The following EPHA6 variants were observed in gnomAD, a reference collection of about 807,000 sequenced individuals.
EPHA6 encodes the protein EPH receptor A6.
A neutral mutation model predicts 112.0 loss-of-function variants in EPHA6; 50 were observed. That is an observed-to-expected ratio of 0.45 (90% CI 0.36 to 0.56). The LOEUF (loss-of-function observed/expected upper bound fraction) is 0.56. EPHA6 is among the 20% of genes least tolerant of loss of function. The pLI, the probability that EPHA6 is intolerant of heterozygous loss-of-function variation, is 0.00. For missense variants in EPHA6, 1,280 were observed against 1,417.4 expected (o/e 0.90, Z 1.56); for synonymous variants, 529 against 490.7 (o/e 1.08, Z -1.03).
intron 5 of EPHA6, among the ~76,000 whole-genome samples, chr3:97,272,470 C>T (rs76386945): frequency 0.037 from 5,601 of 152,170 alleles, 473 homozygotes; most frequent in Admixed American, 0.2. Context: ...TTTTCACTTG[C>T]GTCCGTGTGA....
At chr3:97,011,554 T>G (rs2044085698) in intron 3 of EPHA6, among the ~76,000 whole-genome samples, 1 of 152,236 alleles carries the variant, frequency 6.6e-6, no homozygotes, top group Non-Finnish European at 1.5e-5. Flanking sequence ...CAAGGACTCT[T>G]TTTAATACCA....
intron 5 of EPHA6, among the ~76,000 whole-genome samples, chr3:97,303,952 C>T (rs949739128): frequency 5.3e-5 from 8 of 151,948 alleles, no homozygotes; most frequent in African/African-American, 1.9e-4. Context: ...TGAAGAGGCC[C>T]TTCACTTCCC....
intron 1 of EPHA6, among the ~76,000 whole-genome samples, chr3:96,851,656 A>G (rs952555939): frequency 1.3e-5 from 2 of 152,148 alleles, no homozygotes; most frequent in African/African-American, 4.8e-5. Flanking sequence ...CTGGTGAAAG[A>G]TATCAGAAGA....
chr3:97,245,170 T>C (rs889035159), intron 5 of EPHA6, among the ~76,000 whole-genome samples: 8 of 152,180 alleles, frequency 5.3e-5, no homozygotes, highest in Middle Eastern at 6.8e-3. Flanking sequence ...AGACAGGCTG[T>C]GTGGCTTAAG....
intron 3 of EPHA6, among the ~76,000 whole-genome samples, chr3:97,020,531 A>G (rs2044420225): frequency 6.6e-6 from 1 of 152,180 alleles, no homozygotes; most frequent in South Asian, 2.1e-4. Flanking sequence ...AGACAGAGCT[A>G]TAGCAATGCT....
At chr3:97,001,756 A>G (rs926055172) in intron 3 of EPHA6, among the ~76,000 whole-genome samples, 8 of 152,044 alleles carry the variant, frequency 5.3e-5, no homozygotes, top group Admixed American at 1.3e-4. Flanking sequence ...AAGTCACTGT[A>G]TACAAGGACT....
intron 3 of EPHA6, among the ~76,000 whole-genome samples, chr3:97,107,982 T>C (rs2047617346): frequency 6.6e-6 from 1 of 152,186 alleles, no homozygotes; most frequent in South Asian, 2.1e-4. Context: ...ATGATACTAT[T>C]CTAAGTGCTA....
At chr3:97,178,272 G>A (rs1017565737) in intron 3 of EPHA6, among the ~76,000 whole-genome samples, 1 of 151,852 alleles carries the variant, frequency 6.6e-6, no homozygotes, top group East Asian at 1.9e-4. Flanking sequence ...TTAATTTTTT[G>A]TTGTTTCTAT....
chr3:97,219,437 G>A (rs1298093486), intron 3 of EPHA6, among the ~76,000 whole-genome samples: 1 of 152,188 alleles, frequency 6.6e-6, no homozygotes, highest in Non-Finnish European at 1.5e-5. Context: ...AAGCTCCCAA[G>A]CCTCAGTTCT....
At chr3:97,101,751 C>A (rs1474440872) in intron 3 of EPHA6, among the ~76,000 whole-genome samples, 2 of 152,018 alleles carry the variant, frequency 1.3e-5, no homozygotes, top group Admixed American at 6.6e-5. Context: ...CAACATGACA[C>A]TTTGATATTT....
intron 14 of EPHA6, among the ~76,000 whole-genome samples, chr3:97,705,288 C>G (rs2033616018): frequency 6.6e-6 from 1 of 152,080 alleles, no homozygotes; most frequent in African/African-American, 2.4e-5. Context: ...CTCTCTCACA[C>G]CTCTTTCATT....
intron 10 of EPHA6, among the ~76,000 whole-genome samples, chr3:97,511,721 T>G (rs373338139): frequency 5.9e-5 from 9 of 152,314 alleles, no homozygotes; most frequent in East Asian, 1.9e-4. Flanking sequence ...TGTTAAAATT[T>G]TAATCAGTTA....
chr3:97,131,386 T>C (rs1272370943), intron 3 of EPHA6, among the ~76,000 whole-genome samples: 1 of 152,128 alleles, frequency 6.6e-6, no homozygotes, highest in Admixed American at 6.6e-5. Flanking sequence ...GATCAAGGTG[T>C]ACTTACAATA....
chr3:97,680,033 C>T (rs1473592312), intron 14 of EPHA6, among the ~76,000 whole-genome samples: 1 of 152,164 alleles, frequency 6.6e-6, no homozygotes, highest in Non-Finnish European at 1.5e-5. Flanking sequence ...TTTAGAGTTA[C>T]ATTTTATTAC....
chr3:96,883,334 A>T (rs890639340), intron 2 of EPHA6, among the ~76,000 whole-genome samples: 2 of 152,142 alleles, frequency 1.3e-5, no homozygotes, highest in African/African-American at 4.8e-5. Context: ...TGTTAGATGT[A>T]TAGATTGTGA....
chr3:97,096,692 T>C (rs2108247529), intron 3 of EPHA6, among the ~76,000 whole-genome samples: 1 of 152,074 alleles, frequency 6.6e-6, no homozygotes, highest in Middle Eastern at 3.4e-3. Flanking sequence ...TTGCCTATTT[T>C]ATGTGATTCT....
intron 2 of EPHA6, among the ~76,000 whole-genome samples, chr3:96,912,476 G>T (rs1277563410): frequency 1.3e-5 from 2 of 152,112 alleles, no homozygotes; most frequent in Non-Finnish European, 2.9e-5. Context: ...TAGAGGAGGT[G>T]CCTATCTCAA....
At chr3:97,246,921 A>G (rs2079003078) in intron 5 of EPHA6, among the ~76,000 whole-genome samples, 1 of 151,990 alleles carries the variant, frequency 6.6e-6, no homozygotes, top group Non-Finnish European at 1.5e-5. Flanking sequence ...TATCCTTTCC[A>G]TTTCCAAAGG....
At chr3:97,420,729 G>A (rs975520881) in intron 6 of EPHA6, among the ~76,000 whole-genome samples, 2 of 151,948 alleles carry the variant, frequency 1.3e-5, no homozygotes, top group South Asian at 2.1e-4. Context: ...TTAACTGAAC[G>A]AGGGCAGTAG....
Sources: gnomAD v4.1 joint callset for allele counts (sites outside exome capture counted in the v4.1 genomes callset) on GRCh38, gnomAD v4.1.1 for gene constraint, MANE v1.5 for transcripts, NCBI Gene and HGNC (gene_info 2026-07-23, HGNC 2026-07-21) for gene names.